The following CNOT6L variants were observed in gnomAD, a reference collection of about 807,000 sequenced individuals.
The protein encoded by CNOT6L is CCR4-NOT transcription complex subunit 6 like, also known as CCR4-NOT transcription complex subunit 6-like.
In CNOT6L, 7 loss-of-function variants were observed where a neutral mutation model predicts 64.0. The observed-to-expected ratio is 0.11, with a 90% CI of 0.06 to 0.21. The LOEUF is 0.21. CNOT6L is among the 10% of genes least tolerant of loss of function. The pLI is 1.00. For synonymous variants in CNOT6L, 193 were observed against 243.4 expected (o/e 0.79, Z 1.93); for missense variants, 245 against 669.0 (o/e 0.37, Z 6.99).
chr4:77,725,593 G>C (rs1232268670), intron 11 of CNOT6L, among the ~76,000 whole-genome samples: 1 of 151,830 alleles, frequency 6.6e-6, no homozygotes, highest in African/African-American at 2.4e-5. Context: ...TTTCCTTTTA[G>C]AGTGTCCCAC....
intron 6 of CNOT6L, 83 bp downstream of exon 6, chr4:77,748,233 G>A (rs1312496531): frequency 2.1e-6 from 2 of 940,492 alleles, no homozygotes; most frequent in African/African-American, 3.3e-5. Context: ...TAAAAATGAA[G>A]TCTTATTTAT....
chr4:77,807,581 G>C lies in CNOT6L; in HGVS notation c.5+11723C>G, dbSNP rs1001072059. Among the ~76,000 whole-genome samples the C allele has an allele frequency of 1.6e-4, 24 of 152,280 alleles. No homozygotes were observed. The East Asian group carries it at 3.9e-3, about 24-fold the overall frequency. On this transcript the variant is annotated intron_variant, in intron 1 of 11. Transcript: ENST00000504123. Reference sequence around the variant, plus strand: ...GAGGCAGATTATTAAAGAAATCAATGAGGTCATAAAGTATAAGGTATTGTA... The same window carrying C: ...GAGGCAGATTATTAAAGAAATCAATCAGGTCATAAAGTATAAGGTATTGTA...
chr4:77,757,354 T>C (rs757182856), intron 4 of CNOT6L, among the ~76,000 whole-genome samples: 1 of 152,142 alleles, frequency 6.6e-6, no homozygotes, highest in Non-Finnish European at 1.5e-5. Context: ...AGAAGGGTCT[T>C]CGTAGAATAT....
At position 77,717,445 on chromosome 4, in the gene CNOT6L, CA is replaced by C. The variant is rs1228978855; in HGVS notation, c.*2985del. 6.6e-6 allele frequency: 1 copy of C among 152,370 alleles called. No homozygotes were observed. Among genetic ancestry groups the C allele is most frequent in the Non-Finnish European group, 1.5e-5 (1 of 67,984 alleles). 9.4% of individuals were successfully genotyped at this position (152,370 alleles called of 1,614,324 possible). ...AGACAAATATCGAAATAATATTTAACAGTTTTAAAAAAACATGTATCACATT... is the reference window on the plus strand; with the variant it reads ...AGACAAATATCGAAATAATATTTAACGTTTTAAAAAAACATGTATCACATT... On this transcript the variant is annotated 3_prime_UTR_variant, in exon 12 of 12. Coordinates refer to ENST00000504123, the MANE Select transcript of CNOT6L (RefSeq NM_144571.3).
chr4:77,792,830 C>T (rs1452631357), intron 1 of CNOT6L, among the ~76,000 whole-genome samples: 1 of 151,736 alleles, frequency 6.6e-6, no homozygotes, highest in East Asian at 1.9e-4. Flanking sequence ...TCTATGGCAG[C>T]ACATACTGAA....
chr4:77,755,223 G>GTTTTTTTTTTTTTTTTTT (rs869054667), intron 5 of CNOT6L, among the ~76,000 whole-genome samples: 1 of 70,392 alleles, frequency 1.4e-5, no homozygotes, highest in East Asian at 4.9e-4. Flanking sequence ...AGAGACAAGA[G>GTTTTTTTTTTTTTTTTTT]TTTTTTTTTT....
chr4:77,780,923 T>A (rs1206349755), intron 1 of CNOT6L, among the ~76,000 whole-genome samples: 1 of 151,938 alleles, frequency 6.6e-6, no homozygotes, highest in Non-Finnish European at 1.5e-5. Context: ...TAATCACACC[T>A]CTGAATAGCC....
intron 1 of CNOT6L, among the ~76,000 whole-genome samples, chr4:77,817,143 T>C (rs1733669961): frequency 6.6e-6 from 1 of 152,082 alleles, no homozygotes; most frequent in Admixed American, 6.5e-5. Context: ...TATATAGAGG[T>C]TGAAAATTTT....
intron 8 of CNOT6L, among the ~76,000 whole-genome samples, chr4:77,734,499 G>C (rs1210943229): frequency 2.0e-5 from 3 of 152,080 alleles, no homozygotes; most frequent in African/African-American, 7.2e-5. Flanking sequence ...ACCTGTGTTG[G>C]ACATTTAAGT....
At chr4:77,780,387 C>T (rs1728722624) in intron 1 of CNOT6L, among the ~76,000 whole-genome samples, 1 of 152,174 alleles carries the variant, frequency 6.6e-6, no homozygotes, top group African/African-American at 2.4e-5. Context: ...AAAGATCCTC[C>T]CATTACATCA....
Position 77,728,858 on chromosome 4 carries a change from A to G in CNOT6L, c.1248T>C (p.Asp416=). 3 of 1,612,416 alleles carry G rather than the reference A, an allele frequency of 1.9e-6. No homozygotes were observed. The highest frequency in any genetic ancestry group is 2.5e-6 in the Non-Finnish European group (3 of 1,178,562). The change falls in exon 10 of 12, where the codon GAT becomes GAC. Residue 416 remains aspartate, a synonymous_variant. Transcript: ENST00000504123. The part of the protein sequence containing the change: ...VLCADLNSLP[D]SGVVEYLSNG... ...AGGAAATGATATTATAAATACCTGAATCTGGCAATGAGTTAAGATCTGCAC... is the reference window on the plus strand; with the variant it reads ...AGGAAATGATATTATAAATACCTGAGTCTGGCAATGAGTTAAGATCTGCAC...
Position 77,719,288 on chromosome 4 carries a change from A to G in CNOT6L, c.*1143T>C, listed in dbSNP as rs1363014129. ...TTCAACCCTGACAGACAACTGAAAC[A>G]AAGATTAAAAGCATATGATGGCCAT... On this transcript the variant is annotated 3_prime_UTR_variant, in exon 12 of 12. Coordinates refer to ENST00000504123, the MANE Select transcript of CNOT6L (RefSeq NM_144571.3). 6.6e-6 allele frequency: 1 copy of G among 152,618 alleles called. No homozygotes were observed. Among genetic ancestry groups the G allele is most frequent in the African/African-American group, 2.4e-5 (1 of 41,448 alleles). 9.5% of individuals were successfully genotyped at this position (152,618 alleles called of 1,614,324 possible).
chr4:77,778,225 A>G (rs1013354004), intron 1 of CNOT6L, among the ~76,000 whole-genome samples: 22 of 152,326 alleles, frequency 1.4e-4, no homozygotes, highest in Admixed American at 1.1e-3. Context: ...CATAAGGCAC[A>G]CATGTCTCTT....
At chr4:77,737,406 C>CTTT (rs56952956) in intron 8 of CNOT6L, among the ~76,000 whole-genome samples, 88 of 82,384 alleles carry the variant, frequency 1.1e-3, no homozygotes, top group African/African-American at 1.9e-3. Flanking sequence ...TTGTACCGTT[C>CTTT]TTTTTTTTTT....
chr4:77,819,075 C>CACACACACACACAT, intron 1 of CNOT6L: 1 of 731,586 alleles, frequency 1.4e-6, no homozygotes. Context: ...CACACACACA[C>CACACACACACACAT]CCCGGAACCT....
chr4:77,760,860 C>CGTTTTTTTTTTT (rs1726133669), intron 4 of CNOT6L, among the ~76,000 whole-genome samples: 1 of 29,978 alleles, frequency 3.3e-5, no homozygotes, highest in Admixed American at 6.5e-4. Flanking sequence ...CCATGCCTGG[C>CGTTTTTTTTTTT]TTTTTTTTTT....
intron 2 of CNOT6L, 40 bp downstream of exon 2, chr4:77,776,231 A>G (rs757597900): frequency 6.3e-7 from 1 of 1,591,548 alleles, no homozygotes; most frequent in Admixed American, 1.8e-5. Flanking sequence ...TTGTATTATC[A>G]CTATTACATT....
At chr4:77,756,556 TATGTATA>T (rs1725594494) in intron 5 of CNOT6L, among the ~76,000 whole-genome samples, 1 of 152,252 alleles carries the variant, frequency 6.6e-6, no homozygotes, top group South Asian at 2.1e-4. Flanking sequence ...ACTGATTAGC[TATGTATA>T]AATAAATTAC....
intron 1 of CNOT6L, among the ~76,000 whole-genome samples, chr4:77,809,638 GAT>G (rs1732675792): frequency 6.6e-6 from 1 of 152,098 alleles, no homozygotes; most frequent in South Asian, 2.1e-4. Context: ...GAAAGCAATG[GAT>G]ATATGAGATT....
Sources: allele counts gnomAD v4.1 joint callset (sites outside exome capture counted in the v4.1 genomes callset), GRCh38; gene constraint gnomAD v4.1.1; transcripts MANE v1.5; gene names NCBI Gene and HGNC (gene_info 2026-07-23, HGNC 2026-07-21).